Variants in ATP6V1E2 observed in about 807,000 individuals in gnomAD.
The protein encoded by ATP6V1E2 is V-type proton ATPase subunit E 2.
For synonymous variants in ATP6V1E2, 121 were observed against 104.2 expected, an observed-to-expected ratio of 1.16 and a Z score of -0.98; for missense variants, 308 against 273.3, an observed-to-expected ratio of 1.13 and a Z score of -0.90.
intron 3 of ATP6V1E2, among the ~76,000 whole-genome samples, chr2:46,536,332 G>A (rs994370688): frequency 6.6e-6 from 1 of 152,226 alleles, no homozygotes; most frequent in African/African-American, 2.4e-5. Flanking sequence ...AGGAACCAGT[G>A]ACCTTTAAGA....
intron 4 of ATP6V1E2, among the ~76,000 whole-genome samples, chr2:46,524,025 C>T (rs1334112793): frequency 1.3e-5 from 2 of 152,076 alleles, no homozygotes; most frequent in African/African-American, 4.8e-5. Context: ...TGATTTGGCT[C>T]TCTGCTTGCC....
At chr2:46,515,518 T>C (rs189977998) in intron 4 of ATP6V1E2, among the ~76,000 whole-genome samples, 12 of 151,712 alleles carry the variant, frequency 7.9e-5, no homozygotes, top group African/African-American at 2.7e-4. Context: ...AAAGAAAATG[T>C]GAAAAGAATT....
chr2:46,525,824 C>T (rs967861477), intron 4 of ATP6V1E2, among the ~76,000 whole-genome samples: 2 of 151,468 alleles, frequency 1.3e-5, no homozygotes, highest in Non-Finnish European at 2.9e-5. Context: ...CAGCTTACTT[C>T]AAAGCAGTCA....
intron 2 of ATP6V1E2, among the ~76,000 whole-genome samples, chr2:46,539,584 T>C (rs1159279808): frequency 6.6e-6 from 1 of 152,268 alleles, no homozygotes; most frequent in African/African-American, 2.4e-5. Flanking sequence ...TGCCAGACCC[T>C]GCATTCTTCA....
intron 4 of ATP6V1E2, among the ~76,000 whole-genome samples, chr2:46,532,432 T>C (rs1337325231): frequency 6.6e-6 from 1 of 152,182 alleles, no homozygotes; most frequent in Admixed American, 6.5e-5. Context: ...TTTATAGTGA[T>C]TGCTCTAGGT....
intron 4 of ATP6V1E2, among the ~76,000 whole-genome samples, chr2:46,518,367 G>A (rs569755488): frequency 6.6e-6 from 1 of 152,150 alleles, no homozygotes; most frequent in Admixed American, 6.5e-5. Context: ...ATGGGGTTCT[G>A]TTCAATGGGT....
chr2:46,519,010 G>C (rs1278344085), intron 4 of ATP6V1E2: 6 of 152,254 alleles, frequency 3.9e-5, no homozygotes, highest in Non-Finnish European at 7.3e-5. Flanking sequence ...TGTGGAACTT[G>C]GAACGCACGC....
chr2:46,524,874 G>A (rs1276669050), intron 4 of ATP6V1E2, among the ~76,000 whole-genome samples: 2 of 152,172 alleles, frequency 1.3e-5, no homozygotes, highest in African/African-American at 4.8e-5. Flanking sequence ...AATGGGAAAG[G>A]GTGGAAATGT....
At chr2:46,517,710 T>A (rs1016982175) in intron 4 of ATP6V1E2, among the ~76,000 whole-genome samples, 1 of 152,046 alleles carries the variant, frequency 6.6e-6, no homozygotes, top group Non-Finnish European at 1.5e-5. Flanking sequence ...AAAGAAGACA[T>A]ACAAAGGCCA....
At position 46,530,652 on chromosome 2, in the gene ATP6V1E2, C is replaced by A. The variant is rs1478769294; in HGVS notation, c.-102+5161G>T. ...CCTGATGTATTAGTTTGTTCTCACA[C>A]TGCGAATAAAGACATAACCAGGACT... On this transcript the variant is annotated intron_variant, in intron 4 of 4. Coordinates refer to ENST00000522587, the MANE Select transcript of ATP6V1E2 (RefSeq NM_001318063.2). This position sits in a 1 kb window ranked among gnomAD's most constrained non-coding sequence, Gnocchi z 5.2. Among the ~76,000 whole-genome samples the A allele has an allele frequency of 6.6e-6, 1 of 152,112 alleles. No homozygotes were observed. Among genetic ancestry groups the A allele is most frequent in the Non-Finnish European group, 1.5e-5 (1 of 68,034 alleles).
At chr2:46,540,331 G>A (rs995912310) in intron 2 of ATP6V1E2, among the ~76,000 whole-genome samples, 1 of 150,996 alleles carries the variant, frequency 6.6e-6, no homozygotes, top group African/African-American at 2.4e-5. Context: ...TGAGGCTGGA[G>A]AATCACTTGA....
chr2:46,512,334 T>C lies in ATP6V1E2; in HGVS notation c.378A>G (p.Arg126=), dbSNP rs779332109. 5 of 1,613,406 alleles carry C rather than the reference T, an allele frequency of 3.1e-6. No individual in the cohort carries two copies. The highest frequency in any genetic ancestry group is 1.3e-5 in the African/African-American group (1 of 75,000). Residue 126 remains arginine (R), a synonymous_variant, in exon 5 of 5, where the codon CGA becomes CGG. Transcript: ENST00000522587. ...LDKLVLQGLL[R]LLEPVMIVRC... ...GTACAATCATCACAGGTTCCAGCAG[T>C]CGGAGCAGACCCTGGAGCACCAGTT...
rs773871657 is a variant in ATP6V1E2 at position 46,512,071 on chromosome 2, G to A, written c.641C>T (p.Ala214Val). ...TCTGTTGGTGTTAGCACCAAACAAGGCCATTCGTATTTCTGGCATCTTTTG... is the reference window on the plus strand; with the variant it reads ...TCTGTTGGTGTTAGCACCAAACAAGACCATTCGTATTTCTGGCATCTTTTG... ...AKQKMPEIRM[A>V]LFGANTNRKF... is the part of the protein sequence containing the mutation. Residue 214 changes from alanine to valine, a missense_variant, in exon 5 of 5, where the codon GCC becomes GTC. Physicochemically the swap from Ala to Val is moderately conservative, Grantham distance 64. Transcript: ENST00000522587. 1.2e-6 allele frequency: 2 copies of A among 1,611,998 alleles called. No homozygotes were observed. Among genetic ancestry groups the A allele is most frequent in the Non-Finnish European group, 1.7e-6 (2 of 1,179,044 alleles).
chr2:46,539,927 G>A lies in ATP6V1E2; in HGVS notation c.-310+1463C>T, dbSNP rs182633673. Among the ~76,000 whole-genome samples the A allele has an allele frequency of 2.7e-3, 417 of 152,302 alleles. 2 individuals carry two copies. The Middle Eastern group carries it at 0.034, about 12-fold the overall frequency. The stretch of plus-strand genomic sequence containing the variant: ...CTAGCACAGCACTGCTCACACTATA[G>A]AGTGCTTTCCTGTTTGCTAATAAGT... On this transcript the variant is annotated intron_variant, in intron 2 of 4. Coordinates refer to ENST00000522587, the MANE Select transcript of ATP6V1E2 (RefSeq NM_001318063.2).
At chr2:46,540,403 A>G (rs1417996012) in intron 2 of ATP6V1E2, among the ~76,000 whole-genome samples, 2 of 146,134 alleles carry the variant, frequency 1.4e-5, no homozygotes, top group African/African-American at 2.6e-5. Flanking sequence ...CCTGAGCGAC[A>G]GAGTGACAGA....
intron 4 of ATP6V1E2, among the ~76,000 whole-genome samples, chr2:46,531,314 A>G (rs1415385564): frequency 6.6e-6 from 1 of 152,232 alleles, no homozygotes; most frequent in Non-Finnish European, 1.5e-5. Context: ...ACTTTCACTT[A>G]GCATAACGTT....
chr2:46,529,500 A>G (rs1225734786), intron 4 of ATP6V1E2, among the ~76,000 whole-genome samples: 3 of 152,208 alleles, frequency 2.0e-5, no homozygotes, highest in African/African-American at 7.2e-5. Flanking sequence ...CACGCCTGTA[A>G]TCCCAGTGCT....
chr2:46,537,032 CT>C (rs1667478775), intron 2 of ATP6V1E2, among the ~76,000 whole-genome samples: 1 of 152,340 alleles, frequency 6.6e-6, no homozygotes, highest in South Asian at 2.1e-4. Flanking sequence ...ATCCTCCCAT[CT>C]CGGCCTCCCA....
Position 46,512,423 on chromosome 2 carries a change from C to T in ATP6V1E2, c.289G>A (p.Glu97Lys), listed in dbSNP as rs1687505335. 1.2e-6 allele frequency: 2 copies of T among 1,614,078 alleles called. No homozygotes were observed. Among genetic ancestry groups the T allele is most frequent in the South Asian group, 1.1e-5 (1 of 91,088 alleles). The change falls in exon 5 of 5, where the codon GAG (glutamate) becomes AAG (lysine). Residue 97 changes from glutamate (E) to lysine (K), a missense_variant. Physicochemically the swap from Glu to Lys is moderately conservative, Grantham distance 56. Coordinates refer to ENST00000522587, the MANE Select transcript of ATP6V1E2 (RefSeq NM_001318063.2). ...RNDLISDLLS[E>K]AKLRLSRIVE... ...ATCCTGCTGAGTCTCAGCTTCGCCT[C>T]ACTGAGCAAATCTGAGATGAGGTCA...
Sources: allele counts gnomAD v4.1 joint callset (sites outside exome capture counted in the v4.1 genomes callset), GRCh38; gene constraint gnomAD v4.1.1; non-coding constraint Gnocchi (gnomAD v3.1); transcripts MANE v1.5; gene names NCBI Gene and HGNC (gene_info 2026-07-23, HGNC 2026-07-21).